Variants in CLIP1 observed in about 807,000 individuals in gnomAD.
CLIP1 encodes CAP-Gly domain containing linker protein 1.
A neutral mutation model predicts 161.6 loss-of-function variants in CLIP1; 66 were observed. The ratio of observed to expected loss-of-function variants is 0.41; its 90% confidence interval spans 0.33 to 0.50. The LOEUF is 0.50. Among genes scored for constraint, CLIP1 ranks in the 20% least tolerant of loss-of-function variants. The pLI, the probability that CLIP1 is intolerant of heterozygous loss-of-function variation, is 0.27. For missense variants in CLIP1, 1,376 were observed against 1,702.0 expected, an observed-to-expected ratio of 0.81 and a Z score of 3.37; for synonymous variants, 598 against 626.2, an observed-to-expected ratio of 0.96 and a Z score of 0.67.
intron 1 of CLIP1, among the ~76,000 whole-genome samples, chr12:122,387,502 G>A (rs1955329380): frequency 1.4e-5 from 2 of 141,792 alleles, no homozygotes; most frequent in African/African-American, 5.4e-5. Context: ...TCATAAAGGA[G>A]ATAAATAATT....
chr12:122,329,774 C>T (rs1951862166), intron 15 of CLIP1, among the ~76,000 whole-genome samples: 1 of 151,834 alleles, frequency 6.6e-6, no homozygotes, highest in Admixed American at 6.6e-5. Context: ...CAATAAATAA[C>T]TTGAAGTTCT....
chr12:122,292,875 C>T (rs1041422007), intron 20 of CLIP1, among the ~76,000 whole-genome samples: 9 of 151,500 alleles, frequency 5.9e-5, no homozygotes, highest in East Asian at 1.9e-4. Context: ...CGGTGGTGGG[C>T]GCCTGTAGTC....
intron 3 of CLIP1, among the ~76,000 whole-genome samples, chr12:122,376,806 AT>A (rs1954758476): frequency 6.6e-6 from 1 of 152,048 alleles, no homozygotes; most frequent in South Asian, 2.1e-4. Context: ...ATATTTAGAA[AT>A]TATAAACTCA....
intron 1 of CLIP1, among the ~76,000 whole-genome samples, chr12:122,394,188 T>G (rs1955799979): frequency 6.6e-6 from 1 of 152,018 alleles, no homozygotes. Flanking sequence ...ACTGCATTAC[T>G]TAAATAAAAG....
intron 1 of CLIP1, among the ~76,000 whole-genome samples, chr12:122,390,518 G>A (rs1955612345): frequency 6.6e-6 from 1 of 151,206 alleles, no homozygotes; most frequent in Admixed American, 6.6e-5. Flanking sequence ...GGACATGTTG[G>A]CTAGTCTGGT....
At chr12:122,278,417 T>C in intron 23 of CLIP1, 1 of 587,476 alleles carries the variant, frequency 1.7e-6, no homozygotes. Flanking sequence ...CTTCACGTGC[T>C]CTCCCTCAGG....
intron 8 of CLIP1, among the ~76,000 whole-genome samples, chr12:122,352,444 TG>T (rs1953086261): frequency 6.6e-6 from 1 of 152,156 alleles, no homozygotes; most frequent in Non-Finnish European, 1.5e-5. Context: ...TGCTTTAAAT[TG>T]AGGACACACT....
intron 19 of CLIP1, 64 bp from the exon 20 acceptor site, chr12:122,309,946 A>G: frequency 1.3e-6 from 2 of 1,592,378 alleles, no homozygotes; most frequent in Non-Finnish European, 1.7e-6. Flanking sequence ...TGTGGGAGAC[A>G]ACCAGCTTCA....
chr12:122,271,496 T>G lies in CLIP1; in HGVS notation c.*1379A>C, dbSNP rs187385354. 7.9e-3 allele frequency: 1,213 copies of G among 152,760 alleles called. 13 individuals are homozygous for G. The highest frequency in any genetic ancestry group is 0.011 in the Non-Finnish European group (746 of 68,034). 9.5% of individuals were successfully genotyped at this position (152,760 alleles called of 1,614,324 possible). On this transcript the variant is annotated 3_prime_UTR_variant, in exon 26 of 26. Coordinates refer to ENST00000620786, the MANE Select transcript of CLIP1 (RefSeq NM_001247997.2). ...TGTTTGGCCAAATTTTAATACTGCT[T>G]TACATGTTTTCTGTTTGTGAAACAA...
rs569293830 is a variant in CLIP1 at position 122,291,191 on chromosome 12, C to G, written c.3595-2650G>C. Among the ~76,000 whole-genome samples, 3 of 150,936 alleles carry G rather than the reference C, an allele frequency of 2.0e-5. No homozygotes were observed. The East Asian group carries it at 5.9e-4, about 29-fold the overall frequency. ...TACAGGTGTCAGCTTCTGCGCCCGA[C>G]CCTTTTCTTTTTTTTTGAGACAGAG... On this transcript the variant is annotated intron_variant, in intron 20 of 25. Transcript: ENST00000620786.
At chr12:122,389,420 T>C (rs893901977) in intron 1 of CLIP1, among the ~76,000 whole-genome samples, 1 of 152,130 alleles carries the variant, frequency 6.6e-6, no homozygotes, top group African/African-American at 2.4e-5. Context: ...AGCTGGTGCT[T>C]GCTACAGATG....
chr12:122,336,177 T>C (rs545452949), intron 12 of CLIP1, among the ~76,000 whole-genome samples: 2 of 152,344 alleles, frequency 1.3e-5, no homozygotes, highest in Admixed American at 6.5e-5. Context: ...AGATTTATTT[T>C]AATTTATTTA....
At chr12:122,278,018 T>C (rs1243458704) in intron 24 of CLIP1, 136 bp downstream of exon 24, 20 of 752,870 alleles carry the variant, frequency 2.7e-5, no homozygotes, top group South Asian at 1.6e-5. Context: ...TGTTTAATGT[T>C]TGGACTAGAG....
chr12:122,321,029 A>C (rs181683163), intron 17 of CLIP1, among the ~76,000 whole-genome samples: 2 of 150,678 alleles, frequency 1.3e-5, no homozygotes, highest in African/African-American at 4.9e-5. Context: ...TAAATAAATA[A>C]ATAAATAAAT....
chr12:122,317,576 G>A (rs2136605428), intron 18 of CLIP1, among the ~76,000 whole-genome samples: 1 of 152,268 alleles, frequency 6.6e-6, no homozygotes, highest in Admixed American at 6.5e-5. Context: ...AGCTCTAGGT[G>A]CAGAGCCACC....
At chr12:122,376,126 C>T (rs1264995185) in intron 3 of CLIP1, among the ~76,000 whole-genome samples, 3 of 151,954 alleles carry the variant, frequency 2.0e-5, no homozygotes, top group African/African-American at 4.8e-5. Context: ...TTAGTAGAGA[C>T]GGGGTGTCGC....
intron 1 of CLIP1, among the ~76,000 whole-genome samples, chr12:122,386,898 T>A (rs1279362079): frequency 1.3e-5 from 2 of 151,668 alleles, no homozygotes; most frequent in Non-Finnish European, 2.9e-5. Flanking sequence ...CAATCGTGAC[T>A]TGGTTTTTTT....
intron 3 of CLIP1, among the ~76,000 whole-genome samples, chr12:122,369,758 G>A (rs1232564676): frequency 6.6e-6 from 1 of 151,866 alleles, no homozygotes; most frequent in Non-Finnish European, 1.5e-5. Flanking sequence ...AGGGATGCCT[G>A]AGGAGGTAAC....
intron 9 of CLIP1, chr12:122,350,890 C>G (rs1953004258): frequency 2.5e-6 from 1 of 396,954 alleles, no homozygotes; most frequent in East Asian, 3.6e-5. Context: ...CAAACGTTGG[C>G]CTATTCATTA....
Sources: gnomAD v4.1 joint callset for allele counts (sites outside exome capture counted in the v4.1 genomes callset) on GRCh38, gnomAD v4.1.1 for gene constraint, MANE v1.5 for transcripts, NCBI Gene and HGNC (gene_info 2026-07-23, HGNC 2026-07-21) for gene names.